ATF7IP: variants seen among roughly 807,000 people sequenced by gnomAD.
ATF7IP encodes activating transcription factor 7-interacting protein 1.
Under a neutral mutation model 106.4 loss-of-function variants are expected in ATF7IP, and 23 were observed. The observed-to-expected ratio is 0.22, with a 90% CI of 0.16 to 0.31. The LOEUF is 0.31. Ranked by LOEUF, ATF7IP falls within the 10% of genes least tolerant of loss-of-function variation. ATF7IP has a pLI of 1.00. For missense variants in ATF7IP, 1,334 were observed against 1,524.3 expected (o/e 0.88, Z 2.08); for synonymous variants, 542 against 539.0 (o/e 1.01, Z -0.08).
At chr12:14,410,394 G>A (rs1339112649) in intron 1 of ATF7IP, among the ~76,000 whole-genome samples, 3 of 152,028 alleles carry the variant, frequency 2.0e-5, no homozygotes, top group African/African-American at 4.8e-5. Flanking sequence ...CACTGTAGAC[G>A]CTACCCACCC....
chr12:14,369,226 T>C (rs1938433473), intron 1 of ATF7IP: 1 of 152,176 alleles, frequency 6.6e-6, no homozygotes, highest in Admixed American at 6.6e-5. Flanking sequence ...GTGCTGAGAT[T>C]ACAAGCATGA....
chr12:14,493,574 G>A (rs1944900078), intron 13 of ATF7IP, among the ~76,000 whole-genome samples: 1 of 152,114 alleles, frequency 6.6e-6, no homozygotes, highest in Non-Finnish European at 1.5e-5. Flanking sequence ...CTGGGGATGG[G>A]GAAGCTGTTC....
chr12:14,371,488 A>G (rs1370469953), intron 1 of ATF7IP, among the ~76,000 whole-genome samples: 1 of 152,070 alleles, frequency 6.6e-6, no homozygotes, highest in Non-Finnish European at 1.5e-5. Context: ...GTTTATTATT[A>G]TACTTGGTTT....
chr12:14,480,968 C>A, intron 12 of ATF7IP, 35 bp from the exon 13 acceptor site: 1 of 1,592,098 alleles, frequency 6.3e-7, no homozygotes, highest in Non-Finnish European at 8.6e-7. Context: ...GTAGAATTTA[C>A]TGTATTCTTA....
At chr12:14,463,735 G>T (rs1943723929) in intron 9 of ATF7IP, among the ~76,000 whole-genome samples, 1 of 152,144 alleles carries the variant, frequency 6.6e-6, no homozygotes, top group South Asian at 2.1e-4. Flanking sequence ...CAATTAAGAG[G>T]CTGGAGGCTC....
chr12:14,461,893 A>G (rs1323800769), intron 9 of ATF7IP, among the ~76,000 whole-genome samples: 2 of 152,154 alleles, frequency 1.3e-5, no homozygotes, highest in African/African-American at 4.8e-5. Context: ...TTGCTACAGT[A>G]TTTTTCTTAT....
At chr12:14,477,264 T>G (rs1376473703) in intron 11 of ATF7IP, among the ~76,000 whole-genome samples, 12 of 152,202 alleles carry the variant, frequency 7.9e-5, no homozygotes, top group Admixed American at 7.9e-4. Context: ...GTACAACTGA[T>G]TATATGACAG....
At chr12:14,447,320 C>T (rs1367890712) in intron 6 of ATF7IP, among the ~76,000 whole-genome samples, 11 of 138,610 alleles carry the variant, frequency 7.9e-5, no homozygotes, top group Non-Finnish European at 1.5e-4. Flanking sequence ...GTCTCTCTGT[C>T]GCCCAGGCTG....
At position 14,475,995 on chromosome 12, in the gene ATF7IP, A is replaced by T. The variant is rs376301433; in HGVS notation, c.2941+27A>T. On this transcript the variant is annotated intron_variant, in intron 11 of 14. Transcript: ENST00000261168. ...TACTTCAATAGTAATTGTACTAAGC[A>T]ACGTTTTGATACCATTTTTTTTGTC... is the stretch of plus-strand genomic sequence containing the variant. The T allele has an allele frequency of 9.6e-6, 15 of 1,565,568 alleles. No homozygotes were observed. In the African/African-American group the frequency reaches 1.9e-4, roughly 20 times the overall value.
chr12:14,422,956 A>G (rs1941613249), intron 1 of ATF7IP, among the ~76,000 whole-genome samples: 1 of 152,166 alleles, frequency 6.6e-6, no homozygotes, highest in Admixed American at 6.5e-5. Context: ...TGTACTTCAC[A>G]TATTGTGGAA....
intron 5 of ATF7IP, among the ~76,000 whole-genome samples, chr12:14,443,716 T>C (rs1351043233): frequency 6.6e-6 from 1 of 152,190 alleles, no homozygotes; most frequent in Non-Finnish European, 1.5e-5. Flanking sequence ...GGTGTCAGTC[T>C]TGGGCAATAC....
intron 6 of ATF7IP, among the ~76,000 whole-genome samples, chr12:14,448,008 T>C (rs1252956833): frequency 2.0e-5 from 3 of 152,186 alleles, no homozygotes; most frequent in Non-Finnish European, 2.9e-5. Context: ...AATATAGTAC[T>C]TTGTATATTG....
intron 1 of ATF7IP, among the ~76,000 whole-genome samples, chr12:14,368,304 A>G (rs951496095): frequency 4.6e-5 from 7 of 152,186 alleles, no homozygotes; most frequent in Non-Finnish European, 7.4e-5. Flanking sequence ...TAATGTTATG[A>G]GTATTTTCCC....
chr12:14,375,703 C>T (rs563648973), intron 1 of ATF7IP, among the ~76,000 whole-genome samples: 16 of 152,180 alleles, frequency 1.1e-4, no homozygotes, highest in Non-Finnish European at 2.2e-4. Context: ...GTGGTGTTAC[C>T]ACCTACATGG....
At chr12:14,486,907 C>CT (rs1268765185) in intron 13 of ATF7IP, among the ~76,000 whole-genome samples, 1 of 152,184 alleles carries the variant, frequency 6.6e-6, no homozygotes, top group African/African-American at 2.4e-5. Flanking sequence ...CCTCACAAAT[C>CT]TGTTTCGCAA....
At chr12:14,456,263 TGTGAGCCATTCTG>T (rs1202734527) in intron 6 of ATF7IP, among the ~76,000 whole-genome samples, 3 of 152,194 alleles carry the variant, frequency 2.0e-5, no homozygotes, top group Non-Finnish European at 4.4e-5. Flanking sequence ...TCTTACAGCA[TGTGAGCCATTCTG>T]GTGTTTTTAA....
At chr12:14,495,939 T>G (rs1269640128) in intron 13 of ATF7IP, among the ~76,000 whole-genome samples, 1 of 152,222 alleles carries the variant, frequency 6.6e-6, no homozygotes, top group African/African-American at 2.4e-5. Context: ...TTGTGTCTCG[T>G]GTTTTTCTCT....
At chr12:14,403,505 T>C (rs1232331861) in intron 1 of ATF7IP, among the ~76,000 whole-genome samples, 1 of 152,190 alleles carries the variant, frequency 6.6e-6, no homozygotes, top group Non-Finnish European at 1.5e-5. Flanking sequence ...GCACAGTATA[T>C]TTATTGAATT....
Position 14,431,165 on chromosome 12 carries a change from A to G in ATF7IP, c.1559-3172A>G, listed in dbSNP as rs6488687. ...TTAAAGATAGTAGTCATCTGATAGT[A>G]TTAAACATGTAATTTGTCTCAGCTA... On this transcript the variant is annotated intron_variant, in intron 2 of 14. Transcript: ENST00000261168. Among the ~76,000 whole-genome samples, 1,411 of 152,330 alleles carry G rather than the reference A, an allele frequency of 9.3e-3. 27 individuals carry two copies. Among genetic ancestry groups the G allele is most frequent in the African/African-American group, 0.033 (1,355 of 41,582 alleles).
Sources: gnomAD v4.1 joint callset for allele counts (sites outside exome capture counted in the v4.1 genomes callset) on GRCh38, gnomAD v4.1.1 for gene constraint, MANE v1.5 for transcripts, NCBI Gene and HGNC (gene_info 2026-07-23, HGNC 2026-07-21) for gene names.